Variants in FAM185A observed in about 807,000 individuals in gnomAD.
The protein encoded by FAM185A is family with sequence similarity 185 member A.
FAM185A carries 21 observed loss-of-function variants against 45.7 expected under a neutral mutation model. The ratio of observed to expected loss-of-function variants is 0.46; its 90% CI spans 0.33 to 0.66. FAM185A has a LOEUF of 0.66. FAM185A is among the 30% of genes least tolerant of loss of function. FAM185A has a pLI of 0.03. For missense variants in FAM185A, 305 were observed against 485.4 expected, an observed-to-expected ratio of 0.63 and a Z score of 3.49; for synonymous variants, 117 against 194.0, an observed-to-expected ratio of 0.60 and a Z score of 3.30.
At position 102,749,253 on chromosome 7, in the gene FAM185A, T is replaced by G; in HGVS notation, c.46T>G (p.Cys16Gly). The G allele has an allele frequency of 6.4e-7, 1 of 1,550,828 alleles. No homozygotes were observed. The highest frequency in any genetic ancestry group is 8.7e-7 in the Non-Finnish European group (1 of 1,146,822). The change falls in exon 1 of 8, where the codon TGT becomes GGT. Residue 16 changes from cysteine to glycine, a missense_variant. Cys to Gly is a radical substitution (Grantham distance 159). Transcript: ENST00000413034. The part of the protein sequence containing the change: ...SGWELGCFRL[C>G]LRQVRLWAGA... ...TTGGGAGCTTGGCTGCTTCCGTCTCTGTCTCCGTCAGGTCCGACTGTGGGC... is the reference window on the plus strand; with the variant it reads ...TTGGGAGCTTGGCTGCTTCCGTCTCGGTCTCCGTCAGGTCCGACTGTGGGC...
chr7:102,822,031 C>G, the FAM185A span: 4 of 1,614,008 alleles, frequency 2.5e-6, no homozygotes, highest in Middle Eastern at 1.7e-4. Context: ...TAGTCAGGTA[C>G]ATACTTACTT....
chr7:102,749,271 C>A lies in FAM185A; in HGVS notation c.64C>A (p.Leu22Met). ...CFRLCLRQVR[L>M]WAGAGRWACW... The stretch of plus-strand genomic sequence containing the variant: ...CCGTCTCTGTCTCCGTCAGGTCCGA[C>A]TGTGGGCTGGCGCTGGGCGCTGGGC... The change falls in exon 1 of 8, where the codon CTG (leucine) becomes ATG (methionine). Residue 22 changes from leucine (L) to methionine (M), a missense_variant. Physicochemically the swap from Leu to Met is conservative, Grantham distance 15. Coordinates refer to ENST00000413034, the MANE Select transcript of FAM185A (RefSeq NM_001145268.2). The A allele has an allele frequency of 1.3e-6, 2 of 1,550,522 alleles. No individual in the cohort carries two copies. Among genetic ancestry groups the A allele is most frequent in the Non-Finnish European group, 8.7e-7 (1 of 1,146,804 alleles).
intron 7 of FAM185A, among the ~76,000 whole-genome samples, chr7:102,789,976 C>T (rs957869780): frequency 6.6e-6 from 1 of 152,126 alleles, no homozygotes; most frequent in Admixed American, 6.5e-5. Flanking sequence ...CACTGAAAGG[C>T]CTTCAGGGGA....
intron 4 of FAM185A, among the ~76,000 whole-genome samples, chr7:102,762,613 G>A (rs1794175949): frequency 6.6e-6 from 1 of 152,152 alleles, no homozygotes; most frequent in Admixed American, 6.5e-5. Context: ...TTATAGAGTG[G>A]CATTAGAAAG....
intron 4 of FAM185A, among the ~76,000 whole-genome samples, chr7:102,768,947 T>A (rs1794578616): frequency 6.6e-6 from 1 of 152,136 alleles, no homozygotes; most frequent in South Asian, 2.1e-4. Flanking sequence ...ATATAGAAAA[T>A]TTTGCTAATA....
At chr7:102,830,287 A>G in the FAM185A span, among the ~76,000 whole-genome samples, 1 of 152,018 alleles carries the variant, frequency 6.6e-6, no homozygotes, top group African/African-American at 2.4e-5. Context: ...TCATTCTCCT[A>G]CTTTCTGCTT....
chr7:102,801,886 C>G (rs1000348060), intron 7 of FAM185A, among the ~76,000 whole-genome samples: 4 of 150,928 alleles, frequency 2.7e-5, no homozygotes, highest in Admixed American at 2.6e-4. Flanking sequence ...CACGCCATTG[C>G]ACTCCAGCCT....
intron 3 of FAM185A, among the ~76,000 whole-genome samples, chr7:102,758,657 T>C (rs1793929739): frequency 6.6e-6 from 1 of 151,886 alleles, no homozygotes; most frequent in Admixed American, 6.5e-5. Context: ...TTATACAATT[T>C]GCAAGAGCTT....
intron 1 of FAM185A, 62 bp from the exon 2 acceptor site, chr7:102,751,630 T>C: frequency 1.4e-6 from 2 of 1,474,012 alleles, no homozygotes; most frequent in Non-Finnish European, 9.0e-7. Flanking sequence ...GTTTCTAGGT[T>C]AAAATGCTTT....
At chr7:102,834,138 G>GAAAGAAAGA in the FAM185A span, among the ~76,000 whole-genome samples, 31 of 123,926 alleles carry the variant, frequency 2.5e-4, no homozygotes, top group African/African-American at 6.9e-4. Context: ...AAGAAAGAAA[G>GAAAGAAAGA]AAAAGAGAAG....
chr7:102,753,641 A>C (rs1584269613), intron 2 of FAM185A, among the ~76,000 whole-genome samples: 1 of 151,912 alleles, frequency 6.6e-6, no homozygotes, highest in East Asian at 1.9e-4. Context: ...GCTTTATGCA[A>C]GTCCATCATT....
At position 102,780,832 on chromosome 7, in the gene FAM185A, G is replaced by A. The variant is rs1190665331; in HGVS notation, c.931+3484G>A. Among the ~76,000 whole-genome samples, 8 of 152,306 alleles carry A rather than the reference G, an allele frequency of 5.3e-5. No homozygotes were observed. In the East Asian group the frequency reaches 5.8e-4, roughly 11 times the overall value. ...GTGGGTGCAGGACAGTGGGCGCAGCGCACCGAGCGTGAGCCAAAGCAGGGC... is the reference window on the plus strand; with the variant it reads ...GTGGGTGCAGGACAGTGGGCGCAGCACACCGAGCGTGAGCCAAAGCAGGGC... On this transcript the variant is annotated intron_variant, in intron 6 of 7. Transcript: ENST00000413034.
At chr7:102,827,193 C>G in the FAM185A span, 1 of 452,150 alleles carries the variant, frequency 2.2e-6, no homozygotes, top group Non-Finnish European at 4.5e-6. Context: ...GCCCTTGAAG[C>G]AGCTCAGCTA....
chr7:102,821,282 T>C, the FAM185A span, among the ~76,000 whole-genome samples: 1 of 152,194 alleles, frequency 6.6e-6, no homozygotes, highest in Admixed American at 6.5e-5. Flanking sequence ...TTCTCTCTGA[T>C]CCAACTCCAG....
At chr7:102,820,215 G>A in the FAM185A span, among the ~76,000 whole-genome samples, 1 of 152,218 alleles carries the variant, frequency 6.6e-6, no homozygotes, top group East Asian at 1.9e-4. Context: ...AAAGGTAGTG[G>A]TGTGGCCTCT....
chr7:102,772,611 CGAA>C (rs1331819946), intron 5 of FAM185A, among the ~76,000 whole-genome samples, 161 bp downstream of exon 5: 1 of 151,260 alleles, frequency 6.6e-6, no homozygotes, highest in Non-Finnish European at 1.5e-5. Flanking sequence ...TATGTCCACT[CGAA>C]GAAAATCGCC....
chr7:102,798,186 A>G (rs943197609), intron 7 of FAM185A, among the ~76,000 whole-genome samples: 11 of 152,102 alleles, frequency 7.2e-5, no homozygotes, highest in Non-Finnish European at 5.9e-5. Flanking sequence ...GGTCAAAGAA[A>G]CAGTGTGTGA....
chr7:102,775,060 C>T (rs558360281), intron 5 of FAM185A, among the ~76,000 whole-genome samples: 15 of 151,520 alleles, frequency 9.9e-5, no homozygotes, highest in East Asian at 9.7e-4. Flanking sequence ...TTGACAAAAC[C>T]GTATATATTT....
chr7:102,797,144 T>C (rs1328969277), intron 7 of FAM185A, among the ~76,000 whole-genome samples: 1 of 152,208 alleles, frequency 6.6e-6, no homozygotes, highest in Non-Finnish European at 1.5e-5. Context: ...GTTACACTTT[T>C]GTTGAGAGAA....
Sources: gnomAD v4.1 joint callset for allele counts (sites outside exome capture counted in the v4.1 genomes callset) on GRCh38, gnomAD v4.1.1 for gene constraint, MANE v1.5 for transcripts, NCBI Gene and HGNC (gene_info 2026-07-23, HGNC 2026-07-21) for gene names.